The following CCDC192 variants were observed in gnomAD, a reference collection of about 807,000 sequenced individuals.
CCDC192 encodes coiled-coil domain containing 192.
intron 3 of CCDC192, among the ~76,000 whole-genome samples, chr5:127,762,554 C>T (rs1396029390): frequency 2.0e-5 from 3 of 152,158 alleles, no homozygotes; most frequent in Non-Finnish European, 2.9e-5. Context: ...AATGACAAAT[C>T]GGCTTCTGTA....
chr5:127,846,384 G>C (rs1249992633), intron 5 of CCDC192, among the ~76,000 whole-genome samples: 4 of 151,834 alleles, frequency 2.6e-5, no homozygotes, highest in Non-Finnish European at 4.4e-5. Flanking sequence ...GTTAAAACTG[G>C]ACTTATTTTG....
upstream of CCDC192, among the ~76,000 whole-genome samples, chr5:127,702,310 T>C (rs376218091): frequency 3.3e-5 from 5 of 152,166 alleles, no homozygotes; most frequent in South Asian, 1.0e-3. Context: ...GGTAAGATGA[T>C]TTCTGATCCC....
chr5:127,835,291 C>A (rs527754092), intron 5 of CCDC192, among the ~76,000 whole-genome samples: 19 of 152,272 alleles, frequency 1.2e-4, no homozygotes, highest in African/African-American at 4.6e-4. Context: ...CCATATGGTT[C>A]AGCAGTCAGC....
At chr5:127,865,966 T>A (rs2127115380) in intron 5 of CCDC192, among the ~76,000 whole-genome samples, 1 of 152,276 alleles carries the variant, frequency 6.6e-6, no homozygotes, top group Non-Finnish European at 1.5e-5. Flanking sequence ...CTGAGCTTTT[T>A]TTTATATACC....
intron 6 of CCDC192, chr5:127,935,411 C>T (rs1363187646): frequency 2.0e-5 from 3 of 152,120 alleles, no homozygotes; most frequent in African/African-American, 7.2e-5. Context: ...TTTTTGGTGG[C>T]ACCCATAAAG....
At chr5:127,742,545 T>G (rs1753482905) in intron 2 of CCDC192, among the ~76,000 whole-genome samples, 1 of 152,180 alleles carries the variant, frequency 6.6e-6, no homozygotes, top group Non-Finnish European at 1.5e-5. Context: ...GGTCACCTGA[T>G]AAAACATTCA....
At chr5:127,938,290 C>T (rs1284343592) in intron 6 of CCDC192, among the ~76,000 whole-genome samples, 3 of 152,184 alleles carry the variant, frequency 2.0e-5, no homozygotes, top group African/African-American at 4.8e-5. Context: ...CACCCATTCC[C>T]CAGCAAATAA....
At chr5:127,931,151 T>G (rs1305297812) in intron 6 of CCDC192, among the ~76,000 whole-genome samples, 5 of 152,184 alleles carry the variant, frequency 3.3e-5, no homozygotes, top group Non-Finnish European at 5.9e-5. Flanking sequence ...GGAGTCACTG[T>G]GCTTCCAACC....
At chr5:127,882,574 C>T (rs1449295042) in intron 6 of CCDC192, among the ~76,000 whole-genome samples, 1 of 152,178 alleles carries the variant, frequency 6.6e-6, no homozygotes, top group Non-Finnish European at 1.5e-5. Context: ...TTGAACTGTA[C>T]ACTTTAAAAC....
intron 5 of CCDC192, among the ~76,000 whole-genome samples, chr5:127,871,762 G>A (rs1005129487): frequency 4.6e-5 from 7 of 152,168 alleles, no homozygotes; most frequent in Non-Finnish European, 7.4e-5. Context: ...AATAATGCAA[G>A]CCATTCAGCA....
chr5:127,887,924 T>C (rs1752616568), intron 6 of CCDC192, among the ~76,000 whole-genome samples: 3 of 151,814 alleles, frequency 2.0e-5, no homozygotes, highest in Admixed American at 2.0e-4. Flanking sequence ...AGGATGGTCT[T>C]GATCTCTTGA....
chr5:127,708,862 T>C (rs958551714), intron 2 of CCDC192, among the ~76,000 whole-genome samples: 1 of 152,092 alleles, frequency 6.6e-6, no homozygotes, highest in Non-Finnish European at 1.5e-5. Context: ...ATTCAGAAGT[T>C]CTGGCCTACC....
At chr5:127,709,077 C>A (rs563345296) in intron 2 of CCDC192, among the ~76,000 whole-genome samples, 2 of 139,710 alleles carry the variant, frequency 1.4e-5, no homozygotes, top group African/African-American at 2.7e-5. Context: ...AAAGGGGTGG[C>A]GAGGCATGTC....
At chr5:127,901,866 A>C (rs887430887) in intron 6 of CCDC192, among the ~76,000 whole-genome samples, 2 of 152,370 alleles carry the variant, frequency 1.3e-5, no homozygotes, top group African/African-American at 4.8e-5. Context: ...CTTTAATAAG[A>C]TCTTTTAAAT....
At chr5:127,743,949 C>A (rs528336617) in intron 2 of CCDC192, among the ~76,000 whole-genome samples, 98 of 151,908 alleles carry the variant, frequency 6.5e-4, no homozygotes, top group African/African-American at 2.3e-3. Flanking sequence ...AAAAAATTAG[C>A]CAGGCATGGT....
At chr5:127,731,525 C>A (rs916726165) in intron 2 of CCDC192, among the ~76,000 whole-genome samples, 1 of 152,086 alleles carries the variant, frequency 6.6e-6, no homozygotes, top group Non-Finnish European at 1.5e-5. Context: ...CTTTAGAATT[C>A]ATACAGAACC....
intron 6 of CCDC192, among the ~76,000 whole-genome samples, chr5:127,928,410 A>G (rs1753924150): frequency 6.6e-6 from 1 of 152,186 alleles, no homozygotes. Flanking sequence ...GTTCAGAGCC[A>G]GCATTGTGAC....
intron 6 of CCDC192, among the ~76,000 whole-genome samples, chr5:127,909,820 G>C (rs979612603): frequency 2.6e-5 from 4 of 152,152 alleles, no homozygotes; most frequent in Admixed American, 6.5e-5. Flanking sequence ...AGTGTTCAAA[G>C]CTTGACAGAA....
intron 3 of CCDC192, among the ~76,000 whole-genome samples, chr5:127,755,579 G>GTT (rs1445118228): frequency 3.9e-5 from 5 of 128,290 alleles, no homozygotes; most frequent in East Asian, 2.3e-4. Flanking sequence ...GCCAACTGTT[G>GTT]TTTTTTTTTT....
Sources: allele counts gnomAD v4.1 joint callset (sites outside exome capture counted in the v4.1 genomes callset), GRCh38; gene constraint gnomAD v4.1.1; transcripts MANE v1.5; gene names NCBI Gene and HGNC (gene_info 2026-07-23, HGNC 2026-07-21).